Variants in TECR observed in about 807,000 individuals in gnomAD.
TECR encodes very-long-chain enoyl-CoA reductase.
Under a neutral mutation model 50.6 loss-of-function variants are expected in TECR, and 19 were observed. The ratio of observed to expected loss-of-function variants is 0.38; its 90% CI spans 0.26 to 0.55. The LOEUF is 0.55. Among genes scored for constraint, TECR ranks in the 20% least tolerant of loss-of-function variants. The pLI, the probability that TECR is intolerant of heterozygous loss-of-function variation, is 0.79. For synonymous variants in TECR, 168 were observed against 163.5 expected, an observed-to-expected ratio of 1.03 and a Z score of -0.21; for missense variants, 313 against 408.3, an observed-to-expected ratio of 0.77 and a Z score of 2.01.
chr19:14,564,037 G>A lies in TECR; in HGVS notation c.323G>A (p.Arg108Gln), dbSNP rs1259041440. The A allele has an allele frequency of 4.3e-6, 7 of 1,613,834 alleles. No homozygotes were observed. Among genetic ancestry groups the A allele is most frequent in the Non-Finnish European group, 5.9e-6 (7 of 1,179,948 alleles). The change falls in exon 6 of 13, where the codon CGA becomes CAA. Residue 108 changes from arginine (R) to glutamine (Q), a missense_variant. Arg to Gln is a conservative substitution (Grantham distance 43, BLOSUM62 1). Transcript: ENST00000215567. ...TTCATCTACCTGCTCTTCTACTTCC[G>A]AGTGCCCTTCATCTATGGCCACAAA... ...PLFIYLLFYFRVPFIYGHKYD... is the reference protein window; with the variant it reads ...PLFIYLLFYFQVPFIYGHKYD...
At chr19:14,529,593 C>T (rs898567454), upstream of TECR, 4 of 1,568,760 alleles carry the variant, frequency 2.5e-6, no homozygotes, top group East Asian at 2.2e-5. Flanking sequence ...CGCAGAGCCG[C>T]GTTTAGTCTA....
chr19:14,552,013 C>T (rs1209571816), intron 1 of TECR, among the ~76,000 whole-genome samples: 2 of 138,130 alleles, frequency 1.4e-5, no homozygotes, highest in African/African-American at 2.7e-5. Flanking sequence ...CTCGCTCTGT[C>T]GCCCAGGCTG....
At chr19:14,565,171 TCTGA>T (rs778296563) in intron 10 of TECR, 27 bp from the exon 11 acceptor site, 9 of 1,612,602 alleles carry the variant, frequency 5.6e-6, no homozygotes, top group South Asian at 2.2e-5. Context: ...GGTGAGGGGG[TCTGA>T]CTTTCTCCTT....
chr19:14,553,723 C>T (rs965875678), intron 1 of TECR, among the ~76,000 whole-genome samples: 6 of 152,046 alleles, frequency 3.9e-5, no homozygotes, highest in Non-Finnish European at 7.4e-5. Context: ...GTGATGGGGG[C>T]GAGGTGGCCG....
Position 14,563,685 on chromosome 19 carries a change from C to T in TECR, c.146C>T (p.Ser49Phe). Residue 49 changes from serine to phenylalanine, a missense_variant, in exon 4 of 13, where the codon TCC becomes TTC. Ser to Phe is a radical substitution (Grantham distance 155, BLOSUM62 -2). Transcript: ENST00000215567. The surrounding 1 kb of genome is among the most constrained non-coding windows in gnomAD (Gnocchi z 5.3). ...CCGCAGTGGTACCCCGCCCGCCAGT[C>T]CCTCCGCCTGGACCCCAGTGAGTAC... ...THPQWYPARQ[S>F]LRLDPKGKSL... The T allele has an allele frequency of 6.2e-7, 1 of 1,613,026 alleles. No homozygotes were observed. The highest frequency in any genetic ancestry group is 8.5e-7 in the Non-Finnish European group (1 of 1,179,872).
At chr19:14,529,833 C>G in intron 1 of TECR, 122 bp downstream of exon 1, 1 of 1,410,478 alleles carries the variant, frequency 7.1e-7, no homozygotes. Flanking sequence ...ACGGCGCAGG[C>G]GCAGTGGGCA....
chr19:14,554,509 A>G (rs765584584), intron 1 of TECR, among the ~76,000 whole-genome samples: 17 of 152,066 alleles, frequency 1.1e-4, no homozygotes, highest in Non-Finnish European at 1.9e-4. Context: ...CAGCCGGGAG[A>G]GGACTGGGAA....
intron 1 of TECR, among the ~76,000 whole-genome samples, chr19:14,535,166 A>C (rs1430099449): frequency 6.6e-6 from 1 of 151,668 alleles, no homozygotes; most frequent in Non-Finnish European, 1.5e-5. Flanking sequence ...TGAGGTCAGG[A>C]GTTCAAGACT....
intron 1 of TECR, among the ~76,000 whole-genome samples, chr19:14,553,042 A>G (rs945194030): frequency 1.1e-4 from 16 of 152,138 alleles, no homozygotes; most frequent in African/African-American, 3.9e-4. Flanking sequence ...AATGGGGGGC[A>G]GGCCCAGGGC....
At chr19:14,533,262 A>C (rs1400832339) in intron 1 of TECR, among the ~76,000 whole-genome samples, 1 of 152,078 alleles carries the variant, frequency 6.6e-6, no homozygotes. Flanking sequence ...CTCTACAAAA[A>C]ATAAAAAATT....
Position 14,563,187 on chromosome 19 carries a change from G to T in TECR, c.67-19G>T. On this transcript the variant is annotated intron_variant, in intron 2 of 12. Transcript: ENST00000215567. The surrounding 1 kb of genome is among the most constrained non-coding windows in gnomAD (Gnocchi z 5.3). ...GGCTCCCCGCAGAGCTGACGTCCCT[G>T]CGCCTGTGCTTCCCCCAGGTGGAGC... 1 of 1,613,696 alleles carries T rather than the reference G, an allele frequency of 6.2e-7. No homozygotes were observed. Among genetic ancestry groups the T allele is most frequent in the Non-Finnish European group, 8.5e-7 (1 of 1,179,840 alleles).
intron 1 of TECR, among the ~76,000 whole-genome samples, chr19:14,558,357 T>C (rs970686137): frequency 2.6e-5 from 4 of 152,192 alleles, no homozygotes; most frequent in African/African-American, 9.6e-5. Context: ...ACGGGCTCTG[T>C]TGCTTGCGGC....
Position 14,563,249 on chromosome 19 carries a change from C to T in TECR, c.110C>T (p.Thr37Ile), listed in dbSNP as rs2073958139. The T allele has an allele frequency of 3.7e-6, 6 of 1,613,926 alleles. No individual in the cohort carries two copies. Among genetic ancestry groups the T allele is most frequent in the Non-Finnish European group, 5.1e-6 (6 of 1,179,860 alleles). ...ATTGCGGAGATCAAGAACCTCTTCA[C>T]TAAGACCCGTGAGTTCTAGTCCCGG... ...ATIAEIKNLF[T>I]KTHPQWYPAR... is the part of the protein sequence containing the mutation. The change falls in exon 3 of 13, where the codon ACT (threonine) becomes ATT (isoleucine). Residue 37 changes from threonine (T) to isoleucine (I), a missense_variant. Physicochemically the swap from Thr to Ile is moderately conservative, Grantham distance 89. Transcript: ENST00000215567. The surrounding 1 kb of genome is among the most constrained non-coding windows in gnomAD (Gnocchi z 5.3).
At chr19:14,562,037 T>G in intron 1 of TECR, 1 of 293,344 alleles carries the variant, frequency 3.4e-6, no homozygotes, top group Non-Finnish European at 6.5e-6. Context: ...GCTGGTGCCG[T>G]TGAGGGTTTT....
intron 1 of TECR, among the ~76,000 whole-genome samples, chr19:14,558,457 G>A (rs1360918395): frequency 1.3e-5 from 2 of 152,114 alleles, no homozygotes; most frequent in Non-Finnish European, 2.9e-5. Context: ...CTGGCTCTTG[G>A]CTCTGCCCTG....
chr19:14,565,832 C>T lies in TECR; in HGVS notation c.888C>T (p.Tyr296=). ...GCTACCTGAAGGAGTTCCGGGACTACCCGCCCCTGCGCATGCCCATCATCC... is the reference window on the plus strand; with the variant it reads ...GCTACCTGAAGGAGTTCCGGGACTATCCGCCCCTGCGCATGCCCATCATCC... ...HRSYLKEFRD[Y]PPLRMPIIPF... is the part of the protein sequence containing the mutation. The change falls in exon 13 of 13, where the codon TAC becomes TAT. Residue 296 remains tyrosine (Y), a synonymous_variant. Transcript: ENST00000215567. 6.3e-7 allele frequency: 1 copy of T among 1,597,836 alleles called. No individual in the cohort carries two copies. Among genetic ancestry groups the T allele is most frequent in the Non-Finnish European group, 8.5e-7 (1 of 1,173,604 alleles).
intron 1 of TECR, among the ~76,000 whole-genome samples, chr19:14,542,425 A>T (rs1001517469): frequency 3.8e-5 from 5 of 131,864 alleles, no homozygotes; most frequent in Non-Finnish European, 7.7e-5. Context: ...GCAGTGGTGC[A>T]ATCTCGGCTC....
At chr19:14,545,167 C>G (rs998689845) in intron 1 of TECR, 3 of 456,760 alleles carry the variant, frequency 6.6e-6, no homozygotes, top group Non-Finnish European at 8.8e-6. Context: ...CCAGCGATTC[C>G]TCATTGCTCA....
chr19:14,552,526 T>G (rs190878067), intron 1 of TECR, among the ~76,000 whole-genome samples: 1 of 151,138 alleles, frequency 6.6e-6, no homozygotes. Flanking sequence ...CACAGTCTTT[T>G]TCTTTTCTTT....
Sources: gnomAD v4.1 joint callset for allele counts (sites outside exome capture counted in the v4.1 genomes callset) on GRCh38, gnomAD v4.1.1 for gene constraint, Gnocchi (gnomAD v3.1) non-coding constraint, MANE v1.5 for transcripts, NCBI Gene and HGNC (gene_info 2026-07-23, HGNC 2026-07-21) for gene names.